TGFBR3: variants seen among roughly 807,000 people sequenced by gnomAD.
The protein encoded by TGFBR3 is transforming growth factor beta receptor 3, also known as transforming growth factor beta receptor type 3.
TGFBR3 carries 46 observed loss-of-function variants against 87.9 expected under a neutral mutation model. The ratio of observed to expected loss-of-function variants is 0.52; its 90% CI spans 0.41 to 0.67. TGFBR3 has a LOEUF of 0.67. TGFBR3 is among the 30% of genes least tolerant of loss of function. TGFBR3 has a pLI of 0.00. For missense variants in TGFBR3, 866 were observed against 1,041.9 expected, an observed-to-expected ratio of 0.83 and a Z score of 2.32; for synonymous variants, 381 against 391.6, an observed-to-expected ratio of 0.97 and a Z score of 0.32.
At chr1:91,718,958 T>G (rs932637674) in intron 10 of TGFBR3, among the ~76,000 whole-genome samples, 1 of 152,148 alleles carries the variant, frequency 6.6e-6, no homozygotes, top group African/African-American at 2.4e-5. Context: ...TGTGCAGAGG[T>G]GCTGCTCGTT....
intron 12 of TGFBR3, among the ~76,000 whole-genome samples, chr1:91,712,979 A>G (rs536179048): frequency 2.0e-5 from 3 of 152,356 alleles, no homozygotes; most frequent in Non-Finnish European, 4.4e-5. Context: ...AATAGAGTTC[A>G]GCGGCAAAAT....
chr1:91,886,295 C>T (rs1468686026), upstream of TGFBR3: 4 of 395,870 alleles, frequency 1.0e-5, no homozygotes, highest in Non-Finnish European at 2.0e-5. Context: ...CCCAGAAACT[C>T]CTCCTCCCGC....
At chr1:91,770,419 T>A (rs959865913) in intron 3 of TGFBR3, among the ~76,000 whole-genome samples, 1 of 152,172 alleles carries the variant, frequency 6.6e-6, no homozygotes, top group Non-Finnish European at 1.5e-5. Flanking sequence ...GCAGTTTACA[T>A]AATAAATAAG....
intron 3 of TGFBR3, among the ~76,000 whole-genome samples, chr1:91,777,535 C>A (rs1674606516): frequency 6.6e-6 from 1 of 152,104 alleles, no homozygotes; most frequent in Non-Finnish European, 1.5e-5. Flanking sequence ...ACCAGGCAAG[C>A]ACACCTGGCT....
At chr1:91,848,059 G>T (rs1677573682) in intron 2 of TGFBR3, among the ~76,000 whole-genome samples, 2 of 152,162 alleles carry the variant, frequency 1.3e-5, no homozygotes, top group Non-Finnish European at 2.9e-5. Flanking sequence ...AGGCATCTGT[G>T]GAACTCACTG....
intron 7 of TGFBR3, among the ~76,000 whole-genome samples, chr1:91,722,904 T>C (rs1267613308): frequency 2.0e-5 from 3 of 152,358 alleles, no homozygotes; most frequent in South Asian, 2.1e-4. Context: ...CACTGTCGTA[T>C]ATGTGGTCCC....
At position 91,867,329 on chromosome 1, in the gene TGFBR3, G is replaced by A. The variant is rs533733785; in HGVS notation, c.-113-5685C>T. Reference sequence around the variant, plus strand: ...CAGATGGTACGAGGAGAGCAGAGAAGCCTGACTCCACTCTGCCTGTTCTGT... The same window carrying A: ...CAGATGGTACGAGGAGAGCAGAGAAACCTGACTCCACTCTGCCTGTTCTGT... On this transcript the variant is annotated intron_variant, in intron 1 of 16. Transcript: ENST00000212355. Among the ~76,000 whole-genome samples the A allele has an allele frequency of 2.2e-4, 34 of 152,318 alleles. 1 individual carries two copies. The South Asian group carries it at 4.3e-3, about 19-fold the overall frequency.
rs371148059 is a variant in TGFBR3 at position 91,688,314 on chromosome 1, TA to T, written c.2438-4458del. 5.1e-4 allele frequency among the ~76,000 whole-genome samples: 78 copies of T among 152,168 alleles called. No homozygotes were observed. The East Asian group carries it at 0.011, about 21-fold the overall frequency. ...CTGAATAGGATGCAAAATCTGATAA[TA>T]ACTAAGAAGAAGAAGAAAAGCAAGA... On this transcript the variant is annotated intron_variant, in intron 16 of 16. Transcript: ENST00000212355.
intron 2 of TGFBR3, among the ~76,000 whole-genome samples, chr1:91,826,974 A>AT (rs35314387): frequency 6.6e-6 from 1 of 152,288 alleles, no homozygotes; most frequent in Admixed American, 6.5e-5. Flanking sequence ...TTAAAAGCAG[A>AT]TTTTAACGGA....
chr1:91,805,447 A>G (rs1286509393), intron 2 of TGFBR3, among the ~76,000 whole-genome samples: 3 of 152,216 alleles, frequency 2.0e-5, no homozygotes, highest in Non-Finnish European at 4.4e-5. Context: ...CTCGGCCACC[A>G]GCACAGAGGC....
At chr1:91,797,548 C>T (rs148930851) in intron 2 of TGFBR3, 77 bp from the exon 3 acceptor site, 1 of 1,524,320 alleles carries the variant, frequency 6.6e-7, no homozygotes, top group African/African-American at 1.4e-5. Flanking sequence ...GGTGATCAAA[C>T]CACTGCCAAC....
intron 1 of TGFBR3, among the ~76,000 whole-genome samples, chr1:91,899,882 G>A (rs1679653432): frequency 6.6e-6 from 1 of 152,018 alleles, no homozygotes; most frequent in Non-Finnish European, 1.5e-5. Flanking sequence ...GCCAGGAGTT[G>A]AAGACTATAG....
chr1:91,878,132 G>C (rs1430570075), intron 1 of TGFBR3, among the ~76,000 whole-genome samples: 1 of 152,102 alleles, frequency 6.6e-6, no homozygotes, highest in Non-Finnish European at 1.5e-5. Context: ...AGACTCAGAA[G>C]AGTTTTGTTT....
chr1:91,855,130 G>C (rs1443706272), intron 2 of TGFBR3, among the ~76,000 whole-genome samples: 2 of 152,160 alleles, frequency 1.3e-5, no homozygotes, highest in Non-Finnish European at 2.9e-5. Flanking sequence ...AAAGCATCTC[G>C]ATTTTCCTGT....
At chr1:91,686,034 C>T (rs1216087861) in intron 16 of TGFBR3, among the ~76,000 whole-genome samples, 2 of 152,066 alleles carry the variant, frequency 1.3e-5, no homozygotes, top group Non-Finnish European at 2.9e-5. Context: ...CCATCTTTTT[C>T]TTTTTTGGCT....
intron 2 of TGFBR3, among the ~76,000 whole-genome samples, chr1:91,858,951 G>A (rs1192483930): frequency 1.3e-5 from 2 of 151,788 alleles, no homozygotes; most frequent in African/African-American, 4.8e-5. Flanking sequence ...AGCTACTCAG[G>A]AGGCTGAGGC....
chr1:91,904,051 C>T (rs916294438), intron 1 of TGFBR3, among the ~76,000 whole-genome samples: 2 of 151,940 alleles, frequency 1.3e-5, no homozygotes. Context: ...GTGGCGCGTT[C>T]CTATAATCTG....
At chr1:91,894,023 T>C (rs1570344755) in intron 2 of TGFBR3, among the ~76,000 whole-genome samples, 1 of 151,780 alleles carries the variant, frequency 6.6e-6, no homozygotes. Flanking sequence ...CTACAGGAGG[T>C]TGATTTTATT....
At chr1:91,735,007 T>C (rs772559916) in intron 4 of TGFBR3, 48 bp from the exon 5 acceptor site, 1 of 1,603,180 alleles carries the variant, frequency 6.2e-7, no homozygotes, top group Admixed American at 1.7e-5. Context: ...TCACCGGAGC[T>C]GAATCATAAT....
Sources: allele counts gnomAD v4.1 joint callset (sites outside exome capture counted in the v4.1 genomes callset), GRCh38; gene constraint gnomAD v4.1.1; transcripts MANE v1.5; gene names NCBI Gene and HGNC (gene_info 2026-07-23, HGNC 2026-07-21).